Variants in SPATA1 observed in about 807,000 individuals in gnomAD.
The protein encoded by SPATA1 is spermatogenesis associated 1, also known as spermatogenesis-associated protein 1.
A neutral mutation model predicts 59.6 loss-of-function variants in SPATA1; 57 were observed. That is an observed-to-expected ratio of 0.96 (90% CI 0.77 to 1.19). SPATA1 has a LOEUF of 1.19. SPATA1 is among the 50% of genes most tolerant of loss of function. The pLI, the probability that SPATA1 is intolerant of heterozygous loss-of-function variation, is 0.00. For synonymous variants in SPATA1, 147 were observed against 163.9 expected (o/e 0.90, Z 0.79); for missense variants, 448 against 480.7 (o/e 0.93, Z 0.64).
At chr1:84,534,537 G>C (rs770618839) in intron 8 of SPATA1, among the ~76,000 whole-genome samples, 61 of 152,044 alleles carry the variant, frequency 4.0e-4, no homozygotes, top group African/African-American at 1.4e-3. Flanking sequence ...TAGTTAGTAA[G>C]TACTAGAGCT....
chr1:84,554,368 C>A (rs1684364645), exon 13 of SPATA1: 1 of 152,130 alleles, frequency 6.6e-6, no homozygotes, highest in South Asian at 2.1e-4. Context: ...ATTACTGTTA[C>A]ATTCTTCTAT....
intron 4 of SPATA1, among the ~76,000 whole-genome samples, chr1:84,524,357 A>C (rs996496871): frequency 6.6e-6 from 1 of 152,168 alleles, no homozygotes; most frequent in African/African-American, 2.4e-5. Flanking sequence ...CTTCAATGCC[A>C]GATTAGTAGT....
intron 10 of SPATA1, among the ~76,000 whole-genome samples, chr1:84,548,417 GTA>G (rs1252402318): frequency 7.1e-6 from 1 of 141,470 alleles, no homozygotes. Flanking sequence ...TATGTTATAT[GTA>G]TATATGTTAT....
intron 8 of SPATA1, 56 bp from the exon 9 acceptor site, chr1:84,544,146 T>A: frequency 8.5e-7 from 1 of 1,181,828 alleles, no homozygotes; most frequent in African/African-American, 1.5e-5. Context: ...TACGGGCAAG[T>A]GAAAAAAGAA....
intron 6 of SPATA1, among the ~76,000 whole-genome samples, chr1:84,530,538 G>A (rs1000533522): frequency 1.3e-5 from 2 of 152,126 alleles, no homozygotes; most frequent in African/African-American, 2.4e-5. Context: ...GGCATGATTG[G>A]ATTTTAGTTC....
intron 4 of SPATA1, among the ~76,000 whole-genome samples, chr1:84,522,911 CT>C (rs370552721): frequency 0.18 from 26,399 of 143,384 alleles, 2,370 homozygotes; most frequent in South Asian, 0.33. Flanking sequence ...TTGGTGTCAA[CT>C]TTTTTTTTTT....
At chr1:84,550,841 A>C (rs960434935) in intron 12 of SPATA1, 4 of 995,868 alleles carry the variant, frequency 4.0e-6, no homozygotes, top group Admixed American at 6.0e-5. Flanking sequence ...CTGTATTAGA[A>C]TTATTAAGTC....
At chr1:84,545,502 C>T (rs1490903745) in intron 9 of SPATA1, 132 bp from the exon 10 acceptor site, 1 of 1,023,178 alleles carries the variant, frequency 9.8e-7, no homozygotes, top group African/African-American at 1.7e-5. Flanking sequence ...TATACTGTAG[C>T]AAGAAAAACA....
chr1:84,519,221 G>A (rs1196185466), intron 2 of SPATA1, among the ~76,000 whole-genome samples: 1 of 152,002 alleles, frequency 6.6e-6, no homozygotes, highest in Non-Finnish European at 1.5e-5. Flanking sequence ...GAAAAAGTAT[G>A]TGCCATACCT....
Position 84,525,725 on chromosome 1 carries a change from ACT to A in SPATA1, c.293_294del (p.Leu98GlnfsTer35), listed in dbSNP as rs1468393267. Reference sequence around the variant, plus strand: ...AGGAAAAGCAAGAATCAGAACTGAAACTCAAATCATTTGCTCCTCCATATGTA... The same window carrying A: ...AGGAAAAGCAAGAATCAGAACTGAAACAAATCATTTGCTCCTCCATATGTA... On this transcript the variant is annotated frameshift_variant, in exon 5 of 13. Transcript: ENST00000490879. LOFTEE classifies it high-confidence loss of function. 3.1e-6 allele frequency: 5 copies of A among 1,597,320 alleles called. No homozygotes were observed. The highest frequency in any genetic ancestry group is 3.4e-6 in the Non-Finnish European group (4 of 1,175,902).
chr1:84,536,533 C>T (rs1683689507), intron 8 of SPATA1, among the ~76,000 whole-genome samples: 1 of 152,130 alleles, frequency 6.6e-6, no homozygotes, highest in Non-Finnish European at 1.5e-5. Context: ...AAGCTCCGCC[C>T]CCCGGGTGCA....
intron 1 of SPATA1, among the ~76,000 whole-genome samples, chr1:84,513,840 C>CTTTT (rs1300819142): frequency 1.7e-5 from 2 of 119,538 alleles, no homozygotes; most frequent in Admixed American, 8.0e-5. Flanking sequence ...TTTCTATATT[C>CTTTT]TATTTTTTTT....
intron 8 of SPATA1, among the ~76,000 whole-genome samples, chr1:84,543,971 C>G (rs1360797717): frequency 6.6e-6 from 1 of 152,054 alleles, no homozygotes; most frequent in Non-Finnish European, 1.5e-5. Context: ...AGAAAAATAA[C>G]AGATTTTTTT....
chr1:84,525,601 C>T, intron 4 of SPATA1, 95 bp from the exon 5 acceptor site: 3 of 964,716 alleles, frequency 3.1e-6, no homozygotes, highest in South Asian at 1.9e-5. Context: ...TTATATTTGC[C>T]ACAAATACAT....
rs564941198 is a variant in SPATA1 at position 84,514,753 on chromosome 1, TTGAGGTCAGTGGTTTG to T, written c.-137-1469_-137-1454del. Reference sequence around the variant, plus strand: ...TGGGAGGCCGAGACGGGCGAATCACTTGAGGTCAGTGGTTTGAGACCAGCCTGGCCAACATGGTGAA... The same window carrying T: ...TGGGAGGCCGAGACGGGCGAATCACTAGACCAGCCTGGCCAACATGGTGAA... On this transcript the variant is annotated intron_variant, in intron 1 of 12. Coordinates refer to ENST00000490879, the Ensembl canonical transcript of SPATA1. Among the ~76,000 whole-genome samples, 47 of 152,234 alleles carry T rather than the reference TTGAGGTCAGTGGTTTG, an allele frequency of 3.1e-4. 1 individual carries two copies. The East Asian group carries it at 8.9e-3, about 29-fold the overall frequency.
exon 13 of SPATA1, chr1:84,554,215 G>C (rs1225288287): frequency 6.6e-6 from 1 of 151,600 alleles, no homozygotes; most frequent in Non-Finnish European, 1.5e-5. Flanking sequence ...CATAAATGAA[G>C]AAATGAATAA....
chr1:84,536,457 CT>C (rs1327960730), intron 8 of SPATA1, among the ~76,000 whole-genome samples: 6 of 151,870 alleles, frequency 4.0e-5, no homozygotes, highest in Non-Finnish European at 8.8e-5. Context: ...ACTTTTTTTT[CT>C]TTTGAGACGG....
In SPATA1 at chr1:84,516,234, G is replaced by T. The variant is rs559850781; in HGVS notation, c.-126G>T. 4 of 701,006 alleles carry T rather than the reference G, an allele frequency of 5.7e-6. No individual in the cohort carries two copies. In the East Asian group the frequency reaches 1.3e-4, roughly 23 times the overall value. 43.4% of individuals were successfully genotyped at this position (701,006 alleles called of 1,614,324 possible). ...CTTGAACAAATCAGAGACCAGAAAT[G>T]AGTGGAATGCTATCTTAAGCCAAAA... On this transcript the variant is annotated 5_prime_UTR_variant, in exon 2 of 13. An upstream start codon of the reference 5' UTR is lost. Transcript: ENST00000490879.
Position 84,520,567 on chromosome 1 carries a change from TC to T in SPATA1, c.37-17del. On this transcript the variant is annotated splice_polypyrimidine_tract_variant and intron_variant, in intron 2 of 12. Coordinates refer to ENST00000490879, the Ensembl canonical transcript of SPATA1. ...ACTTTAAAAATATTTTAACCGATGTTCTTCTCAATTTATTCAGTTGGTGGAA... is the reference window on the plus strand; with the variant it reads ...ACTTTAAAAATATTTTAACCGATGTTTTCTCAATTTATTCAGTTGGTGGAA... The T allele has an allele frequency of 7.1e-7, 1 of 1,403,890 alleles. No individual in the cohort carries two copies. Among genetic ancestry groups the T allele is most frequent in the Non-Finnish European group, 9.7e-7 (1 of 1,036,192 alleles). 87.0% of individuals were successfully genotyped at this position (1,403,890 alleles called of 1,614,324 possible). A position where few individuals can be genotyped will look rare whatever the true frequency, so the allele number is the denominator to read the frequency against.
Sources: gnomAD v4.1 joint callset for allele counts (sites outside exome capture counted in the v4.1 genomes callset) on GRCh38, gnomAD v4.1.1 for gene constraint, MANE v1.5 for transcripts, NCBI Gene and HGNC (gene_info 2026-07-23, HGNC 2026-07-21) for gene names.